CNTN5: variants seen among roughly 807,000 people sequenced by gnomAD.
The protein encoded by CNTN5 is contactin-5.
A neutral mutation model predicts 129.1 loss-of-function variants in CNTN5; 77 were observed. The observed-to-expected ratio is 0.60, with a 90% confidence interval of 0.50 to 0.72. CNTN5 has a LOEUF of 0.72. CNTN5 is among the 30% of genes least tolerant of loss of function. CNTN5 has a pLI of 0.00. For missense variants in CNTN5, 1,478 were observed against 1,328.8 expected, an observed-to-expected ratio of 1.11 and a Z score of -1.75; for synonymous variants, 509 against 465.6, an observed-to-expected ratio of 1.09 and a Z score of -1.20.
chr11:99,997,275 G>A (rs190356644), intron 8 of CNTN5, among the ~76,000 whole-genome samples: 1 of 152,138 alleles, frequency 6.6e-6, no homozygotes, highest in East Asian at 1.9e-4. Flanking sequence ...CTTGCCTTCT[G>A]CTAGCTTTTG....
chr11:99,484,412 T>G (rs1198817675), intron 2 of CNTN5, among the ~76,000 whole-genome samples: 3 of 151,982 alleles, frequency 2.0e-5, no homozygotes, highest in Non-Finnish European at 4.4e-5. Context: ...AGAAGGAAAC[T>G]CTCATACACT....
chr11:100,220,856 G>A (rs1949248150), intron 15 of CNTN5, among the ~76,000 whole-genome samples: 1 of 152,140 alleles, frequency 6.6e-6, no homozygotes, highest in Non-Finnish European at 1.5e-5. Flanking sequence ...TTTTTCCATA[G>A]TCTTTTTCTC....
chr11:99,209,895 T>C (rs1859679821), intron 1 of CNTN5, among the ~76,000 whole-genome samples: 1 of 152,106 alleles, frequency 6.6e-6, no homozygotes, highest in Non-Finnish European at 1.5e-5. Context: ...ATTTAAATAT[T>C]TTACACGTAG....
intron 2 of CNTN5, among the ~76,000 whole-genome samples, chr11:99,473,940 T>A (rs560887537): frequency 6.6e-6 from 1 of 152,216 alleles, no homozygotes; most frequent in South Asian, 2.1e-4. Context: ...ATAGTGCTAC[T>A]GGTTTTTAAG....
chr11:99,117,838 C>T (rs1858115335), intron 1 of CNTN5, among the ~76,000 whole-genome samples: 1 of 152,166 alleles, frequency 6.6e-6, no homozygotes, highest in Non-Finnish European at 1.5e-5. Flanking sequence ...AGAGCACCCT[C>T]TTCAGGAATC....
In CNTN5 at chr11:100,193,676, A is replaced by C. The variant is rs776355881; in HGVS notation, c.1884+13A>C. ...AAGCATCAGGGCCGTAAGTGAATAC[A>C]CTTTTATTCTTTTAGTAATGATAAC... On this transcript the variant is annotated intron_variant, in intron 15 of 24. Coordinates refer to ENST00000524871, the MANE Select transcript of CNTN5 (RefSeq NM_014361.4). The C allele has an allele frequency of 3.1e-6, 5 of 1,603,524 alleles. No homozygotes were observed. In the South Asian group the frequency reaches 3.4e-5, roughly 11 times the overall value.
chr11:100,106,026 A>G (rs7934140), intron 13 of CNTN5, among the ~76,000 whole-genome samples: 1,717 of 152,260 alleles, frequency 0.011, 37 homozygotes, highest in African/African-American at 0.039. Context: ...CTCAGATCAT[A>G]AGGCTTACCA....
chr11:99,438,524 A>G (rs986902445), intron 2 of CNTN5, among the ~76,000 whole-genome samples: 30 of 151,912 alleles, frequency 2.0e-4, no homozygotes, highest in Non-Finnish European at 3.4e-4. Flanking sequence ...ATTTTCTCCT[A>G]TCTCTTTATC....
At chr11:100,279,147 T>C (rs150197990) in intron 18 of CNTN5, among the ~76,000 whole-genome samples, 48 of 152,188 alleles carry the variant, frequency 3.2e-4, no homozygotes, top group African/African-American at 1.2e-3. Flanking sequence ...ATCCCAGGGA[T>C]AAATTCCACT....
At chr11:100,092,703 G>A (rs1944836300) in intron 13 of CNTN5, among the ~76,000 whole-genome samples, 1 of 152,092 alleles carries the variant, frequency 6.6e-6, no homozygotes. Flanking sequence ...GAATAGGACT[G>A]TGCTCTTCCC....
intron 3 of CNTN5, among the ~76,000 whole-genome samples, chr11:99,727,738 T>C (rs1943400478): frequency 6.6e-6 from 1 of 152,154 alleles, no homozygotes; most frequent in South Asian, 2.1e-4. Flanking sequence ...CTTAGTGCCA[T>C]CCACATACAT....
intron 23 of CNTN5, among the ~76,000 whole-genome samples, chr11:100,346,895 G>A (rs1443861487): frequency 1.3e-5 from 2 of 152,216 alleles, no homozygotes; most frequent in South Asian, 2.1e-4. Flanking sequence ...CACGGCGGAA[G>A]GTGAAAGGAA....
At chr11:100,196,835 CTG>C (rs967659457) in intron 15 of CNTN5, among the ~76,000 whole-genome samples, 4 of 151,866 alleles carry the variant, frequency 2.6e-5, no homozygotes, top group African/African-American at 9.7e-5. Flanking sequence ...TATGAATAAA[CTG>C]AATGTGATAA....
intron 21 of CNTN5, among the ~76,000 whole-genome samples, chr11:100,333,268 T>G (rs1194702816): frequency 2.0e-5 from 3 of 151,778 alleles, no homozygotes; most frequent in Non-Finnish European, 4.4e-5. Context: ...CTGAAAGAAA[T>G]CATAGACAAC....
Position 99,130,683 on chromosome 11 carries a change from T to G in CNTN5, c.-210+109413T>G, listed in dbSNP as rs1161886443. On this transcript the variant is annotated intron_variant, in intron 1 of 24. Coordinates refer to ENST00000524871, the MANE Select transcript of CNTN5 (RefSeq NM_014361.4). ...ATTTTTATGAACTCCACATAGCACTTACTGTGAAATTGATCACATAATTGG... is the reference window on the plus strand; with the variant it reads ...ATTTTTATGAACTCCACATAGCACTGACTGTGAAATTGATCACATAATTGG... Among the ~76,000 whole-genome samples, 3 of 124,278 alleles carry G rather than the reference T, an allele frequency of 2.4e-5. No homozygotes were observed. The East Asian group carries it at 6.7e-4, about 28-fold the overall frequency. 81.5% of individuals were successfully genotyped at this position (124,278 alleles called of 152,430 possible). A position where few individuals can be genotyped will look rare whatever the true frequency, so the allele number is the denominator to read the frequency against.
At chr11:99,576,052 A>G (rs1028361614) in intron 3 of CNTN5, among the ~76,000 whole-genome samples, 1 of 152,170 alleles carries the variant, frequency 6.6e-6, no homozygotes, top group African/African-American at 2.4e-5. Flanking sequence ...GCAACATTGG[A>G]AGGATTTTTC....
At chr11:99,362,025 TG>T (rs1156344579) in intron 2 of CNTN5, among the ~76,000 whole-genome samples, 1 of 152,134 alleles carries the variant, frequency 6.6e-6, no homozygotes, top group Non-Finnish European at 1.5e-5. Flanking sequence ...TAGTTAATTT[TG>T]GGGGGAACTT....
chr11:99,770,780 G>A (rs989535926), intron 3 of CNTN5, among the ~76,000 whole-genome samples: 9 of 151,812 alleles, frequency 5.9e-5, no homozygotes, highest in Admixed American at 1.3e-4. Context: ...AAATTTCAAT[G>A]GATTTTTTAC....
intron 3 of CNTN5, among the ~76,000 whole-genome samples, chr11:99,630,123 C>T (rs975588485): frequency 1.1e-4 from 17 of 151,032 alleles, no homozygotes; most frequent in Admixed American, 7.9e-4. Flanking sequence ...AAATAAATTA[C>T]GATAAAATAA....
Sources: gnomAD v4.1 joint callset for allele counts (sites outside exome capture counted in the v4.1 genomes callset) on GRCh38, gnomAD v4.1.1 for gene constraint, MANE v1.5 for transcripts, NCBI Gene and HGNC (gene_info 2026-07-23, HGNC 2026-07-21) for gene names.